The following GLUL variants were observed in gnomAD, a reference collection of about 807,000 sequenced individuals.
GLUL encodes the protein glutamate-ammonia ligase, also known as glutamine synthetase.
A neutral mutation model predicts 36.9 loss-of-function variants in GLUL; 8 were observed. The observed-to-expected ratio is 0.22, with a 90% CI of 0.13 to 0.39. The LOEUF is 0.39. GLUL is among the 10% of genes least tolerant of loss of function. The pLI, the probability that GLUL is intolerant of heterozygous loss-of-function variation, is 1.00. For synonymous variants in GLUL, 182 were observed against 172.8 expected (o/e 1.05, Z -0.42); for missense variants, 315 against 501.8 (o/e 0.63, Z 3.56).
intron 1 of GLUL, 102 bp from the exon 2 acceptor site, chr1:182,388,852 G>A: frequency 1.2e-6 from 1 of 861,484 alleles, no homozygotes; most frequent in Non-Finnish European, 2.0e-6. Flanking sequence ...CAGAGTGTAA[G>A]TGCCAACTCC....
In GLUL at chr1:182,386,365, G is replaced by A. The variant is rs375568739; in HGVS notation, c.366C>T (p.Asp122=). Residue 122 remains aspartate, a synonymous_variant, in exon 4 of 7, where the codon GAC becomes GAT. Coordinates refer to ENST00000331872, the MANE Select transcript of GLUL (RefSeq NM_001033044.4). Reference sequence around the variant, plus strand: ...ACCAGGGGTGCTGGTTGCTCACCATGTCCATTATCCGTTTACAGGTGTGCC... The same window carrying A: ...ACCAGGGGTGCTGGTTGCTCACCATATCCATTATCCGTTTACAGGTGTGCC... ...NLRHTCKRIM[D]MVSNQHPWFG... is the part of the protein sequence containing the mutation. 2.3e-5 allele frequency: 37 copies of A among 1,611,856 alleles called. No homozygotes were observed. Among genetic ancestry groups the A allele is most frequent in the Non-Finnish European group, 2.9e-5 (34 of 1,178,040 alleles).
chr1:182,379,695 C>T lies in GLUL; in HGVS notation c.*4710G>A, dbSNP rs879376235. On this transcript the variant is annotated 3_prime_UTR_variant, in exon 7 of 7. Transcript: ENST00000331872. ...GACTACAGGTGCATGCCACCACGCC[C>T]AGCTAATTTTTCGTATTTTTTGTAG... is the stretch of plus-strand genomic sequence containing the variant. Among the ~76,000 whole-genome samples the T allele has an allele frequency of 9.2e-5, 14 of 151,916 alleles. No individual in the cohort carries two copies. The highest frequency in any genetic ancestry group is 1.5e-4 in the African/African-American group (6 of 41,332).
At chr1:182,385,045 TCA>T (rs983709936) in intron 6 of GLUL, 1 of 302,962 alleles carries the variant, frequency 3.3e-6, no homozygotes, top group Non-Finnish European at 6.1e-6. Flanking sequence ...ATGACATATG[TCA>T]CAAATATATA....
At chr1:182,389,793 G>C (rs905414200) in intron 1 of GLUL, 3 of 152,320 alleles carry the variant, frequency 2.0e-5, no homozygotes, top group Non-Finnish European at 4.4e-5. Context: ...CTGAAGTACA[G>C]TGGCAAAGTT....
At chr1:182,390,699 T>G (rs1650374775) in intron 1 of GLUL, 2 of 399,036 alleles carry the variant, frequency 5.0e-6, no homozygotes, top group Non-Finnish European at 8.8e-6. Context: ...GTTAAGGTCT[T>G]AATCTTGACT....
At chr1:182,389,201 C>T (rs531095846) in intron 1 of GLUL, 47 of 187,080 alleles carry the variant, frequency 2.5e-4, no homozygotes, top group African/African-American at 9.6e-4. Flanking sequence ...GGAAACAAAT[C>T]AAAACCAATA....
At chr1:182,386,426 G>A (rs765891206) in intron 3 of GLUL, 24 bp from the exon 4 acceptor site, 11 of 1,559,878 alleles carry the variant, frequency 7.1e-6, no homozygotes, top group South Asian at 4.4e-5. Flanking sequence ...TCAATAATAC[G>A]CCATCAGGGA....
In GLUL at chr1:182,378,678, T is replaced by G. The variant is rs1197806661; in HGVS notation, c.*5727A>C. Reference sequence around the variant, plus strand: ...AAAGACATATGTATTGTGCTTGTATTGTGTATCTAATGTGTACATATATGC... The same window carrying G: ...AAAGACATATGTATTGTGCTTGTATGGTGTATCTAATGTGTACATATATGC... On this transcript the variant is annotated 3_prime_UTR_variant, in exon 7 of 7. Coordinates refer to ENST00000331872, the MANE Select transcript of GLUL (RefSeq NM_001033044.4). Among the ~76,000 whole-genome samples, 1 of 152,230 alleles carries G rather than the reference T, an allele frequency of 6.6e-6. No individual in the cohort carries two copies. The highest frequency in any genetic ancestry group is 1.5e-5 in the Non-Finnish European group (1 of 68,048).
chr1:182,381,223 C>T lies in GLUL; in HGVS notation c.*3182G>A, dbSNP rs116031822. ...CAGAAGTTGCAGTGAGCCAAGATTG[C>T]GCCACACTATACTCCAGCCTGGGTG... On this transcript the variant is annotated 3_prime_UTR_variant, in exon 7 of 7. Coordinates refer to ENST00000331872, the MANE Select transcript of GLUL (RefSeq NM_001033044.4). Among the ~76,000 whole-genome samples, 2 of 152,146 alleles carry T rather than the reference C, an allele frequency of 1.3e-5. No homozygotes were observed. The highest frequency in any genetic ancestry group is 2.4e-5 in the African/African-American group (1 of 41,422).
In GLUL at chr1:182,384,163, CACT is replaced by C; in HGVS notation, c.*239_*241del. On this transcript the variant is annotated 3_prime_UTR_variant, in exon 7 of 7. Transcript: ENST00000331872. ...GGTTATGTCTCCCCACCCTCCTCCC[CACT>C]AATGCACTAAAAAGCTTCAGTGATA... 2.0e-6 allele frequency: 1 copy of C among 502,436 alleles called. No individual in the cohort carries two copies. Among genetic ancestry groups the C allele is most frequent in the Non-Finnish European group, 3.6e-6 (1 of 277,414 alleles). 31.1% of individuals were successfully genotyped at this position (502,436 alleles called of 1,614,324 possible).
At chr1:182,387,103 G>A (rs796496885) in intron 3 of GLUL, 28 bp downstream of exon 3, 1 of 1,567,162 alleles carries the variant, frequency 6.4e-7, no homozygotes. Flanking sequence ...GATTGAGGAG[G>A]GGTATCCATA....
At chr1:182,387,336 C>G (rs768583558) in intron 2 of GLUL, 44 bp from the exon 3 acceptor site, 1 of 1,471,708 alleles carries the variant, frequency 6.8e-7, no homozygotes, top group Non-Finnish European at 9.5e-7. Flanking sequence ...CATACAGGAG[C>G]TTTCCAAGCA....
chr1:182,390,673 A>G, intron 1 of GLUL: 1 of 399,358 alleles, frequency 2.5e-6, no homozygotes, highest in Non-Finnish European at 4.4e-6. Context: ...GGGTGTCCGA[A>G]CAGGCAGGTT....
In GLUL at chr1:182,385,857, C is replaced by T. The variant is rs1650156443; in HGVS notation, c.506G>A (p.Arg169Lys). The change falls in exon 5 of 7, where the codon AGA becomes AAA. Residue 169 changes from arginine to lysine, a missense_variant. Physicochemically the swap from Arg to Lys is conservative, Grantham distance 26 (BLOSUM62 2). Transcript: ENST00000331872. ...GPYYCGVGAD[R>K]AYGRDIVEAH... The stretch of plus-strand genomic sequence containing the variant: ...CTCCACGATGTCCCTGCCATAGGCT[C>T]TGTCTGCTCCCACACCACAGTAATA... 6.2e-6 allele frequency: 10 copies of T among 1,613,824 alleles called. No homozygotes were observed. Among genetic ancestry groups the T allele is most frequent in the Non-Finnish European group, 8.5e-6 (10 of 1,179,684 alleles).
chr1:182,388,532 T>A, intron 2 of GLUL, 40 bp downstream of exon 2: 7 of 1,581,768 alleles, frequency 4.4e-6, no homozygotes, highest in Non-Finnish European at 6.1e-6. Flanking sequence ...CCTCTGCAGA[T>A]CCCACCCAGC....
chr1:182,384,974 T>C (rs531232898), intron 6 of GLUL: 3 of 503,726 alleles, frequency 6.0e-6, no homozygotes, highest in Non-Finnish European at 1.1e-5. Context: ...GCCTGTATTG[T>C]TACTAATTTA....
intron 1 of GLUL, 74 bp from the exon 2 acceptor site, chr1:182,388,824 G>A (rs1650286671): frequency 8.7e-7 from 1 of 1,146,834 alleles, no homozygotes; most frequent in East Asian, 2.3e-5. Flanking sequence ...GCTCAAGAAG[G>A]ACGACTGAAT....
intron 6 of GLUL, 50 bp from the exon 7 acceptor site, chr1:182,384,773 G>A (rs748741879): frequency 1.7e-5 from 24 of 1,421,838 alleles, no homozygotes; most frequent in African/African-American, 2.8e-5. Context: ...CAGGTATGGA[G>A]CCAAGAATGA....
intron 1 of GLUL, chr1:182,390,941 G>T (rs1571412802): frequency 5.0e-6 from 2 of 398,208 alleles, no homozygotes; most frequent in African/African-American, 4.1e-5. Context: ...CCTGCCCCTC[G>T]GGCCCCCGTC....
Sources: gnomAD v4.1 joint callset for allele counts (sites outside exome capture counted in the v4.1 genomes callset) on GRCh38, gnomAD v4.1.1 for gene constraint, MANE v1.5 for transcripts, NCBI Gene and HGNC (gene_info 2026-07-23, HGNC 2026-07-21) for gene names.